Variants in LRRIQ1 observed in about 807,000 individuals in gnomAD.
LRRIQ1 encodes leucine rich repeats and IQ motif containing 1, also known as leucine-rich repeat- and IQ domain-containing protein 1.
A neutral mutation model predicts 211.9 loss-of-function variants in LRRIQ1; 210 were observed. The observed-to-expected ratio is 0.99, with a 90% confidence interval of 0.89 to 1.11. The LOEUF (loss-of-function observed/expected upper bound fraction) is 1.11. Ranked by LOEUF, LRRIQ1 falls within the 50% of genes most tolerant of loss-of-function variation. The pLI is 0.00. For synonymous variants in LRRIQ1, 699 were observed against 650.1 expected, an observed-to-expected ratio of 1.08 and a Z score of -1.14; for missense variants, 2,136 against 1,939.5, an observed-to-expected ratio of 1.10 and a Z score of -1.90.
At chr12:85,167,779 C>T (rs1891226107) in intron 24 of LRRIQ1, among the ~76,000 whole-genome samples, 1 of 152,170 alleles carries the variant, frequency 6.6e-6, no homozygotes, top group Non-Finnish European at 1.5e-5. Context: ...CCAGTATTAA[C>T]CATCACAAGT....
intron 3 of LRRIQ1, among the ~76,000 whole-genome samples, chr12:85,044,423 A>G (rs1388554429): frequency 3.3e-5 from 5 of 152,184 alleles, no homozygotes; most frequent in African/African-American, 7.2e-5. Flanking sequence ...TGCCGTTGCA[A>G]TATCAAGCCA....
chr12:85,068,080 T>A lies in LRRIQ1; in HGVS notation c.2695+1182T>A, dbSNP rs1305629610. On this transcript the variant is annotated intron_variant, in intron 10 of 26. Transcript: ENST00000393217. ...TCTTCTATTGTTTTTTATTATTTAA[T>A]TCATGATGAAATTCTCAAGGGCCTT... is the stretch of plus-strand genomic sequence containing the variant. Among the ~76,000 whole-genome samples, 5 of 151,968 alleles carry A rather than the reference T, an allele frequency of 3.3e-5. No homozygotes were observed. In the South Asian group the frequency reaches 8.3e-4, roughly 25 times the overall value.
At chr12:85,078,133 A>G (rs962288942) in intron 11 of LRRIQ1, among the ~76,000 whole-genome samples, 2 of 152,122 alleles carry the variant, frequency 1.3e-5, no homozygotes, top group African/African-American at 4.8e-5. Flanking sequence ...TTTGGAATGT[A>G]TATTAATATT....
intron 24 of LRRIQ1, among the ~76,000 whole-genome samples, chr12:85,192,730 T>A (rs1375998821): frequency 2.9e-5 from 3 of 102,514 alleles, no homozygotes; most frequent in Non-Finnish European, 5.1e-5. Flanking sequence ...TATATATAGT[T>A]ATATACTATA....
At chr12:85,169,359 T>G (rs1405384309) in intron 24 of LRRIQ1, among the ~76,000 whole-genome samples, 1 of 152,148 alleles carries the variant, frequency 6.6e-6, no homozygotes, top group African/African-American at 2.4e-5. Context: ...CCTTAGATAA[T>G]TGAAGATCAG....
At chr12:85,269,550 A>G in the LRRIQ1 span, among the ~76,000 whole-genome samples, 2 of 152,010 alleles carry the variant, frequency 1.3e-5, no homozygotes, top group African/African-American at 4.8e-5. Context: ...GATTCCTCTT[A>G]AATCTCAGTG....
downstream of LRRIQ1, among the ~76,000 whole-genome samples, chr12:85,268,173 A>G (rs191501470): frequency 6.6e-6 from 1 of 152,136 alleles, no homozygotes; most frequent in East Asian, 1.9e-4. Flanking sequence ...ATTTTTCAAA[A>G]AAATACTTTG....
At position 85,099,010 on chromosome 12, in the gene LRRIQ1, A is replaced by C; in HGVS notation, c.3209+16A>C. 1.3e-6 allele frequency: 2 copies of C among 1,494,020 alleles called. No homozygotes were observed. The highest frequency in any genetic ancestry group is 1.8e-6 in the Non-Finnish European group (2 of 1,105,244). The allele number at this position is 1,494,020 out of a possible 1,614,324, so 92.5% of individuals were successfully genotyped here. On this transcript the variant is annotated intron_variant, in intron 13 of 26. Transcript: ENST00000393217. ...CTCAAAACAGGTAAAAGCATACTTA[A>C]GAAATAAATTCAGTGAATGATTGTT...
chr12:85,149,829 A>T (rs1259470907), intron 19 of LRRIQ1, among the ~76,000 whole-genome samples: 1 of 151,816 alleles, frequency 6.6e-6, no homozygotes, highest in African/African-American at 2.4e-5. Flanking sequence ...GATAGTAGTT[A>T]AATAATTGTT....
intron 24 of LRRIQ1, among the ~76,000 whole-genome samples, chr12:85,182,396 A>G (rs1029357204): frequency 6.6e-6 from 1 of 152,138 alleles, no homozygotes; most frequent in African/African-American, 2.4e-5. Flanking sequence ...TTGTTTGGCT[A>G]TTAACTAAAA....
intron 26 of LRRIQ1, among the ~76,000 whole-genome samples, chr12:85,236,118 A>G (rs1895161997): frequency 6.6e-6 from 1 of 152,184 alleles, no homozygotes; most frequent in African/African-American, 2.4e-5. Context: ...AGTGGACAGA[A>G]TTCAGAAGGT....
intron 10 of LRRIQ1, among the ~76,000 whole-genome samples, chr12:85,070,374 G>A (rs1882955300): frequency 6.6e-6 from 1 of 151,954 alleles, no homozygotes; most frequent in Non-Finnish European, 1.5e-5. Context: ...ATGCAGCAGA[G>A]GATGTGATTT....
At chr12:85,039,685 A>G (rs544837561) in intron 2 of LRRIQ1, among the ~76,000 whole-genome samples, 1 of 151,756 alleles carries the variant, frequency 6.6e-6, no homozygotes, top group East Asian at 1.9e-4. Flanking sequence ...TATGGCAGAC[A>G]ATATTTGTTT....
intron 19 of LRRIQ1, among the ~76,000 whole-genome samples, chr12:85,149,223 C>A (rs1440987788): frequency 6.6e-6 from 1 of 151,958 alleles, no homozygotes; most frequent in African/African-American, 2.4e-5. Flanking sequence ...GAAGTCTTTG[C>A]CTATGCCTGT....
intron 11 of LRRIQ1, among the ~76,000 whole-genome samples, chr12:85,083,069 G>A (rs1884462324): frequency 6.6e-6 from 1 of 152,100 alleles, no homozygotes; most frequent in Non-Finnish European, 1.5e-5. Flanking sequence ...TGAGATTCGG[G>A]ATAAGAGATT....
intron 24 of LRRIQ1, among the ~76,000 whole-genome samples, chr12:85,172,047 A>G (rs1891444513): frequency 1.3e-5 from 2 of 152,188 alleles, no homozygotes; most frequent in Non-Finnish European, 2.9e-5. Flanking sequence ...TCTTACATCA[A>G]AAAGAAAGCA....
intron 1 of LRRIQ1, among the ~76,000 whole-genome samples, chr12:85,250,893 T>C: frequency 1.0e-5 from 1 of 96,464 alleles, no homozygotes; most frequent in South Asian, 2.4e-4. Context: ...ATATAATATA[T>C]TTTATATATT....
intron 26 of LRRIQ1, among the ~76,000 whole-genome samples, chr12:85,237,304 A>C (rs563562147): frequency 6.6e-6 from 1 of 152,224 alleles, no homozygotes; most frequent in South Asian, 2.1e-4. Context: ...AACAGCTTGG[A>C]AACACTTTCT....
chr12:85,046,249 A>G, intron 5 of LRRIQ1, 112 bp downstream of exon 5: 1 of 624,258 alleles, frequency 1.6e-6, no homozygotes, highest in Non-Finnish European at 2.8e-6. Flanking sequence ...AAGCAATTAC[A>G]ATGTTTGAAG....
Sources: allele counts gnomAD v4.1 joint callset (sites outside exome capture counted in the v4.1 genomes callset), GRCh38; gene constraint gnomAD v4.1.1; transcripts MANE v1.5; gene names NCBI Gene and HGNC (gene_info 2026-07-23, HGNC 2026-07-21).